BEND6: variants seen among roughly 807,000 people sequenced by gnomAD.
The protein encoded by BEND6 is BEN domain containing 6.
A neutral mutation model predicts 31.8 loss-of-function variants in BEND6; 24 were observed. The observed-to-expected ratio is 0.75, with a 90% CI of 0.55 to 1.06. The LOEUF (loss-of-function observed/expected upper bound fraction) is 1.06. Ranked by LOEUF, BEND6 falls within the 50% of genes least tolerant of loss-of-function variation. The pLI is 0.00. For synonymous variants in BEND6, 109 were observed against 114.6 expected (o/e 0.95, Z 0.31); for missense variants, 294 against 327.4 (o/e 0.90, Z 0.79).
Position 57,026,887 on chromosome 6 carries a change from C to T in BEND6, c.*815C>T, listed in dbSNP as rs1827919854. The T allele has an allele frequency of 6.6e-6, 1 of 152,104 alleles. No homozygotes were observed. The highest frequency in any genetic ancestry group is 1.5e-5 in the Non-Finnish European group (1 of 68,020). 9.4% of individuals were successfully genotyped at this position (152,104 alleles called of 1,614,324 possible). ...AATACAGATGTGTAATATAAAGCAT[C>T]AATATCACCTAACACATCGTATATA... is the stretch of plus-strand genomic sequence containing the variant. On this transcript the variant is annotated 3_prime_UTR_variant, in exon 7 of 7. Transcript: ENST00000370746.
chr6:56,969,987 A>G (rs895487470), intron 1 of BEND6, among the ~76,000 whole-genome samples: 3 of 152,194 alleles, frequency 2.0e-5, no homozygotes, highest in Non-Finnish European at 2.9e-5. Context: ...TTAATGTGCT[A>G]TGACCAGCAC....
rs1183897919 is a variant in BEND6 at position 56,970,439 on chromosome 6, T to C, written c.-100-11272T>C. Among the ~76,000 whole-genome samples the C allele has an allele frequency of 2.0e-5, 3 of 152,274 alleles. No individual in the cohort carries two copies. The East Asian group carries it at 5.8e-4, about 29-fold the overall frequency. On this transcript the variant is annotated intron_variant, in intron 1 of 6. Transcript: ENST00000370746. The stretch of plus-strand genomic sequence containing the variant: ...ATCTGCCAACCTTGGCCTCCCAAAG[T>C]GCTAGGATTACAGGCGTGAACCACC...
intron 1 of BEND6, among the ~76,000 whole-genome samples, chr6:56,956,886 A>G (rs1825103458): frequency 6.6e-6 from 1 of 152,286 alleles, no homozygotes; most frequent in Admixed American, 6.5e-5. Context: ...TCTCCACCGC[A>G]TTGACTCAAC....
In BEND6 at chr6:56,955,228, T is replaced by C. The variant is rs1229864876; in HGVS notation, c.-333T>C. On this transcript the variant is annotated 5_prime_UTR_variant, in exon 1 of 7. Coordinates refer to ENST00000370746, the MANE Select transcript of BEND6 (RefSeq NM_152731.3). ...GCCCTCCCGCGGGGCCGCCCGCCAG[T>C]CCGCGCCGTCCGCGGGTGCATTGGC... is the stretch of plus-strand genomic sequence containing the variant. 2.0e-5 allele frequency: 3 copies of C among 151,896 alleles called. No homozygotes were observed. Among genetic ancestry groups the C allele is most frequent in the Non-Finnish European group, 2.9e-5 (2 of 67,972 alleles). The allele number at this position is 151,896 out of a possible 1,614,324, so 9.4% of individuals were successfully genotyped here. A position where few individuals can be genotyped will look rare whatever the true frequency, so the allele number is the denominator to read the frequency against.
intron 2 of BEND6, among the ~76,000 whole-genome samples, chr6:56,985,731 A>G (rs1219497029): frequency 2.6e-5 from 4 of 152,202 alleles, no homozygotes; most frequent in African/African-American, 9.6e-5. Context: ...ACCTGGAGAT[A>G]GCTAGCAGTC....
At chr6:56,995,272 T>G (rs1329920099) in intron 3 of BEND6, among the ~76,000 whole-genome samples, 2 of 152,038 alleles carry the variant, frequency 1.3e-5, no homozygotes, top group East Asian at 3.8e-4. Context: ...CTTCTCTACC[T>G]TCTATTTTTC....
chr6:56,996,985 T>C (rs1334646452), intron 3 of BEND6, among the ~76,000 whole-genome samples: 1 of 152,210 alleles, frequency 6.6e-6, no homozygotes, highest in African/African-American at 2.4e-5. Context: ...AACTCTCCAG[T>C]GGATTTGTAC....
At position 57,025,555 on chromosome 6, in the gene BEND6, A is replaced by G. The variant is rs976995471; in HGVS notation, c.*10-527A>G. Reference sequence around the variant, plus strand: ...ATGTGAAAAGGCTGGCTAGGGATCCATGCTCAGGGGACCTGTGGAACACAC... The same window carrying G: ...ATGTGAAAAGGCTGGCTAGGGATCCGTGCTCAGGGGACCTGTGGAACACAC... On this transcript the variant is annotated intron_variant, in intron 6 of 6. Transcript: ENST00000370746. Among the ~76,000 whole-genome samples, 3 of 152,232 alleles carry G rather than the reference A, an allele frequency of 2.0e-5. No individual in the cohort carries two copies. The East Asian group carries it at 5.8e-4, about 29-fold the overall frequency.
At position 56,981,752 on chromosome 6, in the gene BEND6, C is replaced by T. The variant is rs1826077890; in HGVS notation, c.-59C>T. 6.3e-7 allele frequency: 1 copy of T among 1,586,408 alleles called. No homozygotes were observed. Among genetic ancestry groups the T allele is most frequent in the Non-Finnish European group, 8.6e-7 (1 of 1,165,878 alleles). On this transcript the variant is annotated 5_prime_UTR_variant, in exon 2 of 7. Transcript: ENST00000370746. ...TGAGCTACGTCCAGAATAGCATCATCTTCATGGGTATTCCCTACTCCTAGG... is the reference window on the plus strand; with the variant it reads ...TGAGCTACGTCCAGAATAGCATCATTTTCATGGGTATTCCCTACTCCTAGG...
chr6:56,968,087 A>G (rs947371276), intron 1 of BEND6, among the ~76,000 whole-genome samples: 2 of 152,220 alleles, frequency 1.3e-5, no homozygotes, highest in Non-Finnish European at 2.9e-5. Flanking sequence ...ATAGGTCAGT[A>G]TAGGGAACTA....
chr6:56,996,572 A>T (rs796159549), intron 3 of BEND6, among the ~76,000 whole-genome samples: 9 of 152,302 alleles, frequency 5.9e-5, no homozygotes, highest in African/African-American at 2.2e-4. Context: ...AACATGACTG[A>T]TAGGCTAACA....
chr6:57,009,043 A>G (rs1387603946), intron 3 of BEND6: 3 of 152,228 alleles, frequency 2.0e-5, no homozygotes, highest in Admixed American at 6.5e-5. Flanking sequence ...TAAACACTGC[A>G]TGTTCTCATT....
chr6:57,022,998 A>T (rs2127895918), intron 6 of BEND6, among the ~76,000 whole-genome samples: 1 of 152,242 alleles, frequency 6.6e-6, no homozygotes, highest in Non-Finnish European at 1.5e-5. Context: ...ACTTGATATG[A>T]TTTCTACTGT....
In BEND6 at chr6:56,996,339, C is replaced by T. The variant is rs542623079; in HGVS notation, c.298+3784C>T. ...TTGCGTGCCTATGGTCCCAGCTACC[C>T]GGGAGGCTGAGGCACGAGAATTGCT... is the stretch of plus-strand genomic sequence containing the variant. On this transcript the variant is annotated intron_variant, in intron 3 of 6. Transcript: ENST00000370746. Among the ~76,000 whole-genome samples, 7 of 152,044 alleles carry T rather than the reference C, an allele frequency of 4.6e-5. No homozygotes were observed. In the East Asian group the frequency reaches 7.7e-4, roughly 17 times the overall value.
At chr6:57,021,798 A>T (rs1001432603) in intron 6 of BEND6, among the ~76,000 whole-genome samples, 13 of 152,190 alleles carry the variant, frequency 8.5e-5, no homozygotes, top group Non-Finnish European at 1.9e-4. Context: ...AACATATATT[A>T]TAACTTATAG....
At chr6:56,955,662 AGAATTGGGCACTTTC>A (rs1824759278) in intron 1 of BEND6, among the ~76,000 whole-genome samples, 1 of 152,188 alleles carries the variant, frequency 6.6e-6, no homozygotes, top group Non-Finnish European at 1.5e-5. Flanking sequence ...CTCGCAGCTA[AGAATTGGGCACTTTC>A]GATCTTCTTG....
At chr6:56,959,588 C>G (rs1226144357) in intron 1 of BEND6, among the ~76,000 whole-genome samples, 1 of 152,134 alleles carries the variant, frequency 6.6e-6, no homozygotes, top group Non-Finnish European at 1.5e-5. Context: ...TCTGGAAGAA[C>G]CTACTTCATC....
intron 3 of BEND6, among the ~76,000 whole-genome samples, chr6:57,007,691 A>G (rs1593017454): frequency 6.6e-6 from 1 of 152,054 alleles, no homozygotes; most frequent in South Asian, 2.1e-4. Flanking sequence ...GCTACTCGGG[A>G]GGCTGAGGCG....
At position 57,017,272 on chromosome 6, in the gene BEND6, T is replaced by A; in HGVS notation, c.585T>A (p.Asp195Glu). Residue 195 changes from aspartate (D) to glutamate (E), a missense_variant, in exon 5 of 7, where the codon GAT becomes GAA. Physicochemically the swap from Asp to Glu is conservative, Grantham distance 45. Transcript: ENST00000370746. ...NKSKPQKFIN[D>E]LMQVLYTNEY... ...GCAAGCCTCAGAAGTTTATTAATGA[T>A]TTAATGCAAGTACTTTACACAAATG... The A allele has an allele frequency of 1.3e-6, 2 of 1,559,528 alleles. No homozygotes were observed. The highest frequency in any genetic ancestry group is 1.7e-6 in the Non-Finnish European group (2 of 1,153,818).
Sources: allele counts gnomAD v4.1 joint callset (sites outside exome capture counted in the v4.1 genomes callset), GRCh38; gene constraint gnomAD v4.1.1; transcripts MANE v1.5; gene names NCBI Gene and HGNC (gene_info 2026-07-23, HGNC 2026-07-21).